TOX3: variants seen among roughly 807,000 people sequenced by gnomAD.
TOX3 encodes the protein CAG trinucleotide repeat-containing gene F9 protein.
In TOX3, 22 loss-of-function variants were observed where a neutral mutation model predicts 64.3. That is an observed-to-expected ratio of 0.34 (90% CI 0.24 to 0.49). TOX3 has a LOEUF of 0.49. Ranked by LOEUF, TOX3 falls within the 20% of genes least tolerant of loss-of-function variation. The pLI is 0.99. For missense variants in TOX3, 661 were observed against 714.4 expected, an observed-to-expected ratio of 0.93 and a Z score of 0.85; for synonymous variants, 291 against 273.6, an observed-to-expected ratio of 1.06 and a Z score of -0.63.
chr16:52,450,322 G>A lies in TOX3; in HGVS notation c.633C>T (p.Ser211=), dbSNP rs1376897307. The part of the protein sequence containing the change: ...SPPASKSATP[S]PSSSINEEDA... ...CCTCTTCATTGATGGAGCTGGAAGGGGAGGGAGTGGCTGATTTGCTTGCTG... is the reference window on the plus strand; with the variant it reads ...CCTCTTCATTGATGGAGCTGGAAGGAGAGGGAGTGGCTGATTTGCTTGCTG... Residue 211 remains serine (S), a synonymous_variant, in exon 4 of 7, where the codon TCC becomes TCT. Transcript: ENST00000219746. 1 of 1,614,030 alleles carries A rather than the reference G, an allele frequency of 6.2e-7. No homozygotes were observed. Among genetic ancestry groups the A allele is most frequent in the Non-Finnish European group, 8.5e-7 (1 of 1,179,888 alleles).
At chr16:52,512,327 T>C (rs771313025) in intron 1 of TOX3, among the ~76,000 whole-genome samples, 11 of 152,168 alleles carry the variant, frequency 7.2e-5, no homozygotes, top group Non-Finnish European at 1.5e-4. Flanking sequence ...AAGGAAAAAC[T>C]AGGAAGCTGA....
chr16:52,460,864 T>C (rs1960667767), intron 3 of TOX3, among the ~76,000 whole-genome samples: 2 of 152,188 alleles, frequency 1.3e-5, no homozygotes, highest in African/African-American at 4.8e-5. Flanking sequence ...CAACATGATT[T>C]CATTTCATTT....
intron 3 of TOX3, among the ~76,000 whole-genome samples, chr16:52,451,860 T>C (rs1960360672): frequency 6.6e-6 from 1 of 152,212 alleles, no homozygotes; most frequent in Non-Finnish European, 1.5e-5. Context: ...GCAGAGTTTC[T>C]CAATTTCAGC....
At chr16:52,464,575 G>GCA (rs145297267) in intron 2 of TOX3, among the ~76,000 whole-genome samples, 110 of 150,648 alleles carry the variant, frequency 7.3e-4, no homozygotes, top group Middle Eastern at 3.5e-3. Context: ...TTTGTGGCAT[G>GCA]CACACACACA....
At chr16:52,463,024 A>T (rs1218766267) in intron 3 of TOX3, among the ~76,000 whole-genome samples, 1 of 152,154 alleles carries the variant, frequency 6.6e-6, no homozygotes, top group East Asian at 1.9e-4. Context: ...TTATCTGGGG[A>T]ATTAACAATG....
chr16:52,537,383 A>G (rs963485171), intron 1 of TOX3, among the ~76,000 whole-genome samples: 1 of 152,100 alleles, frequency 6.6e-6, no homozygotes, highest in African/African-American at 2.4e-5. Context: ...ACCACATCCA[A>G]TCTCAGCCTC....
intron 1 of TOX3, among the ~76,000 whole-genome samples, chr16:52,479,599 C>T (rs1366449808): frequency 1.3e-5 from 2 of 152,216 alleles, no homozygotes; most frequent in Non-Finnish European, 2.9e-5. Flanking sequence ...TGTGCTTAGT[C>T]TGTTATGGTT....
intron 3 of TOX3, among the ~76,000 whole-genome samples, chr16:52,454,263 C>T (rs1466303003): frequency 6.6e-6 from 1 of 151,934 alleles, no homozygotes; most frequent in Non-Finnish European, 1.5e-5. Flanking sequence ...GATTATTTTG[C>T]AGTGTGACAG....
Position 52,439,416 on chromosome 16 carries a change from G to C in TOX3, c.1540C>G (p.Leu514Val). The C allele has an allele frequency of 6.4e-7, 1 of 1,568,160 alleles. No individual in the cohort carries two copies. The highest frequency in any genetic ancestry group is 8.7e-7 in the Non-Finnish European group (1 of 1,153,138). ...ATGTGTTGCAGCTGCTGCAGCTGGA[G>C]GCGCTGCTGCAGCTGCTGCTGCAGC... ...QQLQQQLQQR[L>V]QLQQLQHMQH... Residue 514 changes from leucine to valine, a missense_variant, in exon 7 of 7, where the codon CTC (leucine) becomes GTC (valine). Leu to Val is a conservative substitution (Grantham distance 32). Around this residue, in one of 3 missense-constraint regions of TOX3, gnomAD observed 299 missense variants for 292.1 expected, o/e 1.02. Transcript: ENST00000219746.
chr16:52,457,089 A>T (rs1261122138), intron 3 of TOX3, among the ~76,000 whole-genome samples: 1 of 152,204 alleles, frequency 6.6e-6, no homozygotes, highest in African/African-American at 2.4e-5. Context: ...AATTTCCTTA[A>T]ATGAGAAAAC....
At chr16:52,545,598 C>G (rs1396467228) in intron 1 of TOX3, among the ~76,000 whole-genome samples, 2 of 152,054 alleles carry the variant, frequency 1.3e-5, no homozygotes, top group South Asian at 2.1e-4. Context: ...AAACAAACTA[C>G]GATTTGAAAG....
intron 1 of TOX3, among the ~76,000 whole-genome samples, chr16:52,543,478 T>C (rs1438556299): frequency 6.6e-6 from 1 of 152,152 alleles, no homozygotes; most frequent in Non-Finnish European, 1.5e-5. Context: ...AAAAGACAAA[T>C]TGAACTCAGG....
chr16:52,448,313 C>A (rs954993280), intron 4 of TOX3, among the ~76,000 whole-genome samples: 3 of 152,128 alleles, frequency 2.0e-5, no homozygotes, highest in Admixed American at 6.5e-5. Flanking sequence ...TAAAATGGAG[C>A]AAGCTAGGAG....
intron 2 of TOX3, among the ~76,000 whole-genome samples, chr16:52,467,248 C>A (rs1056252659): frequency 1.3e-5 from 2 of 151,848 alleles, no homozygotes; most frequent in African/African-American, 4.8e-5. Flanking sequence ...ATGTTTGATT[C>A]AAATGTAGGG....
intron 5 of TOX3, 143 bp from the exon 6 acceptor site, chr16:52,444,499 G>GCGCACACACA (rs374601775): frequency 1.5e-4 from 57 of 380,872 alleles, no homozygotes; most frequent in African/African-American, 1.3e-3. Flanking sequence ...GTTAGCGCAT[G>GCGCACACACA]CACACACACA....
chr16:52,463,716 C>G (rs1157645124), intron 3 of TOX3, among the ~76,000 whole-genome samples: 1 of 152,120 alleles, frequency 6.6e-6, no homozygotes, highest in Non-Finnish European at 1.5e-5. Context: ...TTTAAATCAG[C>G]AGACTCTTTT....
chr16:52,464,585 A>C (rs1960797813), intron 2 of TOX3, among the ~76,000 whole-genome samples: 1 of 152,214 alleles, frequency 6.6e-6, no homozygotes, highest in Non-Finnish European at 1.5e-5. Context: ...GCACACACAC[A>C]CACACATATT....
At chr16:52,498,443 C>T (rs1111481) in intron 1 of TOX3, among the ~76,000 whole-genome samples, 79,919 of 152,012 alleles carry the variant, frequency 0.53, 21,566 homozygotes, top group East Asian at 0.75. Context: ...ATAAATGAAG[C>T]GATGAGATTC....
chr16:52,510,920 C>T (rs1962292303), intron 1 of TOX3, among the ~76,000 whole-genome samples: 1 of 151,954 alleles, frequency 6.6e-6, no homozygotes, highest in Non-Finnish European at 1.5e-5. Flanking sequence ...TTTTGGATGC[C>T]ACTATGCTCT....
Sources: allele counts gnomAD v4.1 joint callset (sites outside exome capture counted in the v4.1 genomes callset), GRCh38; gene constraint gnomAD v4.1.1; regional missense constraint gnomAD v4.1.1; transcripts MANE v1.5; gene names NCBI Gene and HGNC (gene_info 2026-07-23, HGNC 2026-07-21).